The following ACSL5 variants were observed in gnomAD, a reference collection of about 807,000 sequenced individuals.
ACSL5 encodes the protein long-chain-fatty-acid--CoA ligase 5.
In ACSL5, 50 loss-of-function variants were observed where a neutral mutation model predicts 84.9. The ratio of observed to expected loss-of-function variants is 0.59; its 90% confidence interval spans 0.47 to 0.75. The LOEUF (loss-of-function observed/expected upper bound fraction) is 0.75, where lower values mean the gene tolerates loss of function less well. Among genes scored for constraint, ACSL5 ranks in the 30% least tolerant of loss-of-function variants. The pLI is 0.00. For missense variants in ACSL5, 775 were observed against 830.4 expected, an observed-to-expected ratio of 0.93 and a Z score of 0.82; for synonymous variants, 280 against 300.7, an observed-to-expected ratio of 0.93 and a Z score of 0.71.
intron 1 of ACSL5, among the ~76,000 whole-genome samples, chr10:112,385,328 C>T (rs368621505): frequency 5.9e-5 from 9 of 152,134 alleles, no homozygotes; most frequent in East Asian, 3.8e-4. Context: ...CATTCTTAAC[C>T]TGTACTTTAC....
At chr10:112,421,533 C>A in intron 14 of ACSL5, 60 bp from the exon 15 acceptor site, 1 of 1,461,432 alleles carries the variant, frequency 6.8e-7, no homozygotes, top group Non-Finnish European at 9.6e-7. Context: ...TTGACCATAG[C>A]ACGTGGCCAG....
chr10:112,408,771 G>A (rs763613299), intron 6 of ACSL5: 11 of 423,366 alleles, frequency 2.6e-5, no homozygotes, highest in Non-Finnish European at 4.4e-5. Context: ...ATGGTATGAT[G>A]ATATAGAGAC....
intron 3 of ACSL5, among the ~76,000 whole-genome samples, chr10:112,401,834 T>G (rs1456087644): frequency 1.0e-5 from 1 of 98,446 alleles, no homozygotes; most frequent in African/African-American, 3.5e-5. Flanking sequence ...CTTTCTTTCT[T>G]TCTTTCTTCC....
At chr10:112,385,125 A>G (rs930081514) in intron 1 of ACSL5, among the ~76,000 whole-genome samples, 12 of 152,228 alleles carry the variant, frequency 7.9e-5, no homozygotes, top group Middle Eastern at 3.2e-3. Flanking sequence ...TAGTTAATAC[A>G]TGAACCTGCG....
At chr10:112,385,544 C>A (rs1285852163) in intron 1 of ACSL5, among the ~76,000 whole-genome samples, 1 of 152,190 alleles carries the variant, frequency 6.6e-6, no homozygotes, top group East Asian at 1.9e-4. Context: ...GAGGAAAAGG[C>A]ATGTCATTTA....
chr10:112,406,825 G>A (rs142240810), intron 5 of ACSL5, among the ~76,000 whole-genome samples: 111 of 152,276 alleles, frequency 7.3e-4, no homozygotes, highest in African/African-American at 2.6e-3. Context: ...AGCAAAGGGG[G>A]TGGAAAGCCC....
At chr10:112,399,625 G>A (rs528667858) in intron 3 of ACSL5, among the ~76,000 whole-genome samples, 3 of 152,192 alleles carry the variant, frequency 2.0e-5, no homozygotes, top group Admixed American at 6.5e-5. Flanking sequence ...GCACACACAC[G>A]TTTACTTTTA....
At chr10:112,405,998 G>A (rs1245566449) in intron 5 of ACSL5, among the ~76,000 whole-genome samples, 1 of 152,028 alleles carries the variant, frequency 6.6e-6, no homozygotes, top group African/African-American at 2.4e-5. Flanking sequence ...CCTGGCAGAG[G>A]TGGAAGAGGT....
At chr10:112,404,391 A>C (rs1843981294) in intron 3 of ACSL5, 120 bp from the exon 4 acceptor site, 2 of 711,192 alleles carry the variant, frequency 2.8e-6, no homozygotes, top group Non-Finnish European at 2.4e-6. Context: ...CATATAATAG[A>C]AGCTCAAATC....
At chr10:112,374,475 T>C (rs772122796) in intron 1 of ACSL5, among the ~76,000 whole-genome samples, 2 of 152,120 alleles carry the variant, frequency 1.3e-5, no homozygotes, top group Non-Finnish European at 2.9e-5. Context: ...GGTGGAGATA[T>C]ATGAGCTATC....
chr10:112,410,555 G>A, intron 8 of ACSL5, 29 bp from the exon 9 acceptor site: 1 of 1,614,118 alleles, frequency 6.2e-7, no homozygotes, highest in African/African-American at 1.3e-5. Flanking sequence ...AGTTCATGGT[G>A]GAATAAGCCC....
intron 9 of ACSL5, 27 bp downstream of exon 9, chr10:112,410,662 G>C: frequency 6.2e-7 from 1 of 1,606,848 alleles, no homozygotes; most frequent in Non-Finnish European, 8.5e-7. Context: ...CTGAACCTTA[G>C]ACCCCTGGTC....
At chr10:112,376,578 G>A (rs1849244296) in intron 1 of ACSL5, 7 of 1,294,480 alleles carry the variant, frequency 5.4e-6, no homozygotes, top group African/African-American at 3.0e-5. Flanking sequence ...GAGTTCCACG[G>A]GCACATCATG....
At chr10:112,425,014 A>T in intron 17 of ACSL5, 1 of 187,536 alleles carries the variant, frequency 5.3e-6, no homozygotes, top group Non-Finnish European at 1.1e-5. Flanking sequence ...AAATGAACTA[A>T]TTGGAAATTA....
chr10:112,413,386 C>A, intron 12 of ACSL5, 79 bp downstream of exon 12: 8 of 1,501,324 alleles, frequency 5.3e-6, no homozygotes, highest in Non-Finnish European at 7.4e-6. Flanking sequence ...AGATTTACTC[C>A]ACCTCTACCT....
Position 112,421,848 on chromosome 10 carries a change from T to G in ACSL5, c.1388-99T>G. 4 of 1,404,262 alleles carry G rather than the reference T, an allele frequency of 2.8e-6. No individual in the cohort carries two copies. In the South Asian group the frequency reaches 4.7e-5, roughly 17 times the overall value. 87.0% of individuals were successfully genotyped at this position (1,404,262 alleles called of 1,614,324 possible). ...GCATTGGTGCCAGGTGATTTTTCAGTCTTCCTCTTCTAGAGTCAATTCATA... is the reference window on the plus strand; with the variant it reads ...GCATTGGTGCCAGGTGATTTTTCAGGCTTCCTCTTCTAGAGTCAATTCATA... On this transcript the variant is annotated intron_variant, in intron 15 of 20. Transcript: ENST00000354655.
rs560764338 is a variant in ACSL5 at position 112,381,464 on chromosome 10, C to T, written c.-30+7195C>T. ...AGGTAGATCACTTGAAGTCAGAGTT[C>T]GAGACCAGCCTGGCCAACATGGTGA... On this transcript the variant is annotated intron_variant, in intron 1 of 20. Coordinates refer to ENST00000354655, the MANE Select transcript of ACSL5 (RefSeq NM_203379.2). Among the ~76,000 whole-genome samples the T allele has an allele frequency of 4.6e-5, 7 of 150,926 alleles. No individual in the cohort carries two copies. The East Asian group carries it at 9.8e-4, about 21-fold the overall frequency.
intron 3 of ACSL5, among the ~76,000 whole-genome samples, chr10:112,403,726 C>A (rs887616446): frequency 7.9e-5 from 12 of 152,180 alleles, no homozygotes; most frequent in South Asian, 4.1e-4. Context: ...GTTCTGAGCC[C>A]CTATTCCCTT....
chr10:112,406,460 A>G (rs917999166), intron 5 of ACSL5: 1 of 152,170 alleles, frequency 6.6e-6, no homozygotes, highest in African/African-American at 2.4e-5. Flanking sequence ...GGGTTTCAAC[A>G]TGAATTTGGG....
Sources: gnomAD v4.1 joint callset for allele counts (sites outside exome capture counted in the v4.1 genomes callset) on GRCh38, gnomAD v4.1.1 for gene constraint, MANE v1.5 for transcripts, NCBI Gene and HGNC (gene_info 2026-07-23, HGNC 2026-07-21) for gene names.